PRKACB: variants seen among roughly 807,000 people sequenced by gnomAD.
PRKACB encodes the protein protein kinase cAMP-activated catalytic subunit beta, also known as cAMP-dependent protein kinase catalytic subunit beta.
A neutral mutation model predicts 51.4 loss-of-function variants in PRKACB; 16 were observed. The observed-to-expected ratio is 0.31, with a 90% CI of 0.21 to 0.47. The LOEUF is 0.47. PRKACB is among the 20% of genes least tolerant of loss of function. The pLI is 1.00. For synonymous variants in PRKACB, 147 were observed against 154.4 expected, an observed-to-expected ratio of 0.95 and a Z score of 0.35; for missense variants, 309 against 464.5, an observed-to-expected ratio of 0.67 and a Z score of 3.08.
chr1:84,105,084 C>T (rs1649627086), intron 1 of PRKACB, among the ~76,000 whole-genome samples: 1 of 152,170 alleles, frequency 6.6e-6, no homozygotes, highest in African/African-American at 2.4e-5. Flanking sequence ...CAGAGCACAG[C>T]TGACTGAAAA....
chr1:84,088,934 A>C (rs1375596757), intron 1 of PRKACB, among the ~76,000 whole-genome samples: 1 of 152,178 alleles, frequency 6.6e-6, no homozygotes, highest in Admixed American at 6.5e-5. Context: ...TTTATAGAGG[A>C]GTAGTATAGA....
intron 1 of PRKACB, chr1:84,175,815 CA>C (rs1558115995): frequency 2.6e-6 from 4 of 1,561,636 alleles, no homozygotes; most frequent in Middle Eastern, 1.7e-4. Context: ...TTGGTATGCT[CA>C]TTTCCTTTAG....
intron 1 of PRKACB, among the ~76,000 whole-genome samples, chr1:84,103,814 C>G (rs975522175): frequency 6.6e-6 from 1 of 152,214 alleles, no homozygotes; most frequent in African/African-American, 2.4e-5. Flanking sequence ...CCAGTAAGAA[C>G]TAGTGTTCTC....
At chr1:84,085,941 AC>A in intron 1 of PRKACB, 1 of 690,702 alleles carries the variant, frequency 1.4e-6, no homozygotes, top group African/African-American at 1.8e-5. Context: ...TCCAGGATGG[AC>A]CTGACTTTCA....
chr1:84,136,588 T>C (rs537231270), intron 1 of PRKACB, among the ~76,000 whole-genome samples: 11 of 152,052 alleles, frequency 7.2e-5, no homozygotes, highest in African/African-American at 2.7e-4. Flanking sequence ...CTGGTGGTAA[T>C]GAAAATGGCA....
chr1:84,163,949 A>T (rs1656632064), intron 1 of PRKACB, among the ~76,000 whole-genome samples: 1 of 152,014 alleles, frequency 6.6e-6, no homozygotes, highest in Non-Finnish European at 1.5e-5. Flanking sequence ...CTACCCAGTC[A>T]GCCCACCTTG....
chr1:84,088,945 A>C (rs540310865), intron 1 of PRKACB, among the ~76,000 whole-genome samples: 1 of 152,182 alleles, frequency 6.6e-6, no homozygotes, highest in African/African-American at 2.4e-5. Flanking sequence ...GTAGTATAGA[A>C]TTTCTGAGAT....
At chr1:84,118,312 A>AT (rs1262702564) in intron 1 of PRKACB, among the ~76,000 whole-genome samples, 1 of 152,078 alleles carries the variant, frequency 6.6e-6, no homozygotes, top group Non-Finnish European at 1.5e-5. Context: ...TTATAGTATG[A>AT]TTATCTATTC....
At chr1:84,199,992 T>A (rs185937518) in intron 7 of PRKACB, among the ~76,000 whole-genome samples, 13 of 152,116 alleles carry the variant, frequency 8.5e-5, no homozygotes, top group Admixed American at 7.2e-4. Flanking sequence ...ACTACCGGCA[T>A]GCACTACAAC....
At chr1:84,204,582 A>G (rs1558272033) in intron 8 of PRKACB, 1 of 1,472,910 alleles carries the variant, frequency 6.8e-7, no homozygotes, top group South Asian at 1.4e-5. Flanking sequence ...CAAGAGGACT[A>G]AAGGTCATAT....
intron 7 of PRKACB, among the ~76,000 whole-genome samples, chr1:84,200,550 C>G (rs1232053417): frequency 1.3e-5 from 2 of 152,120 alleles, no homozygotes; most frequent in African/African-American, 4.8e-5. Context: ...TGTCATGAAA[C>G]CTTTGTCCAT....
intron 1 of PRKACB, among the ~76,000 whole-genome samples, chr1:84,110,293 T>C (rs765948762): frequency 6.6e-6 from 1 of 151,898 alleles, no homozygotes; most frequent in Non-Finnish European, 1.5e-5. Context: ...TTAGGTATTA[T>C]AAATAATCTA....
chr1:84,208,135 T>C (rs1227495782), intron 8 of PRKACB, among the ~76,000 whole-genome samples: 6 of 152,214 alleles, frequency 3.9e-5, no homozygotes, highest in African/African-American at 1.4e-4. Context: ...CTCAAATTAC[T>C]GGGAGTAGTA....
intron 9 of PRKACB, among the ~76,000 whole-genome samples, chr1:84,224,775 G>A (rs146901606): frequency 6.6e-6 from 1 of 152,208 alleles, no homozygotes; most frequent in African/African-American, 2.4e-5. Context: ...CCCTGATGGT[G>A]CAGTGCATGC....
intron 1 of PRKACB, among the ~76,000 whole-genome samples, chr1:84,108,536 T>A (rs1312264181): frequency 2.6e-5 from 4 of 152,012 alleles, no homozygotes; most frequent in Admixed American, 1.3e-4. Flanking sequence ...GAGATTATAA[T>A]AATAATATAG....
At chr1:84,131,025 A>T (rs148757751) in intron 1 of PRKACB, among the ~76,000 whole-genome samples, 30 of 152,274 alleles carry the variant, frequency 2.0e-4, no homozygotes, top group Non-Finnish European at 4.1e-4. Flanking sequence ...AGAGAACCAA[A>T]TGTCTGTAAG....
At chr1:84,181,684 A>T in intron 2 of PRKACB, 2 of 1,521,846 alleles carry the variant, frequency 1.3e-6, no homozygotes, top group Non-Finnish European at 8.8e-7. Context: ...TAGTTCTATA[A>T]GCTTATATAA....
At position 84,175,105 on chromosome 1, in the gene PRKACB, A is replaced by G. The variant is rs750076689; in HGVS notation, c.188-4072A>G. 6.0e-5 allele frequency: 82 copies of G among 1,371,234 alleles called. No individual in the cohort carries two copies. In the African/African-American group the frequency reaches 1.2e-3, roughly 19 times the overall value. 84.9% of individuals were successfully genotyped at this position (1,371,234 alleles called of 1,614,324 possible). On this transcript the variant is annotated intron_variant, in intron 1 of 9. Coordinates refer to ENST00000370685, the MANE Select transcript of PRKACB (RefSeq NM_182948.4). ...ACAAATATTACCTTTAAAATTTTTT[A>G]TTTATTGTTTGCAAGTTTTTATTTT...
intron 1 of PRKACB, among the ~76,000 whole-genome samples, chr1:84,146,142 T>G (rs1200296655): frequency 1.2e-5 from 1 of 80,048 alleles, no homozygotes; most frequent in African/African-American, 3.0e-5. Context: ...AAAATGCTGT[T>G]TTGTTTTTTT....
Sources: allele counts gnomAD v4.1 joint callset (sites outside exome capture counted in the v4.1 genomes callset), GRCh38; gene constraint gnomAD v4.1.1; transcripts MANE v1.5; gene names NCBI Gene and HGNC (gene_info 2026-07-23, HGNC 2026-07-21).